The following NEMF variants were observed in gnomAD, a reference collection of about 807,000 sequenced individuals.
NEMF encodes the protein ribosome quality control complex subunit NEMF.
Under a neutral mutation model 162.2 loss-of-function variants are expected in NEMF, and 89 were observed. That is an observed-to-expected ratio of 0.55 (90% CI 0.46 to 0.65). The LOEUF (loss-of-function observed/expected upper bound fraction) is 0.65. NEMF is among the 30% of genes least tolerant of loss of function. NEMF has a pLI of 0.00. For missense variants in NEMF, 1,133 were observed against 1,261.9 expected (o/e 0.90, Z 1.55); for synonymous variants, 421 against 404.5 (o/e 1.04, Z -0.49).
chr14:49,817,794 A>G (rs1003444192), intron 16 of NEMF, among the ~76,000 whole-genome samples: 8 of 152,240 alleles, frequency 5.3e-5, no homozygotes, highest in African/African-American at 1.9e-4. Flanking sequence ...TACATTTACT[A>G]AATAATTTGA....
intron 6 of NEMF, among the ~76,000 whole-genome samples, chr14:49,834,773 A>T (rs1352373290): frequency 6.6e-6 from 1 of 152,240 alleles, no homozygotes; most frequent in Non-Finnish European, 1.5e-5. Context: ...GTGGGCCACC[A>T]TGACCTAGCC....
chr14:49,843,117 A>G (rs888616367), intron 4 of NEMF, among the ~76,000 whole-genome samples: 52 of 152,292 alleles, frequency 3.4e-4, no homozygotes, highest in African/African-American at 1.1e-3. Flanking sequence ...TTAGATAAAG[A>G]GCTCTAAGAG....
Position 49,783,029 on chromosome 14 carries a change from A to ATAAT in NEMF, c.*1603_*1606dup, listed in dbSNP as rs1278905798. 21 of 1,464,302 alleles carry ATAAT rather than the reference A, an allele frequency of 1.4e-5. No individual in the cohort carries two copies. Among genetic ancestry groups the ATAAT allele is most frequent in the Middle Eastern group, 1.8e-4 (1 of 5,664 alleles). The allele number at this position is 1,464,302 out of a possible 1,614,324, so 90.7% of individuals were successfully genotyped here. On this transcript the variant is annotated 3_prime_UTR_variant, in exon 33 of 33. Transcript: ENST00000298310. The stretch of plus-strand genomic sequence containing the variant: ...AACATCACAGAGTGGCATCATTTGT[A>ATAAT]TAATTATATGCATTGTTGTAGTTTG...
intron 16 of NEMF, among the ~76,000 whole-genome samples, chr14:49,822,445 T>C (rs1352724985): frequency 6.7e-6 from 1 of 149,930 alleles, no homozygotes; most frequent in African/African-American, 2.5e-5. Flanking sequence ...CCCTTGAGCC[T>C]GGGAGGTGAA....
At chr14:49,828,404 G>A in intron 14 of NEMF, 50 bp from the exon 15 acceptor site, 1 of 1,233,448 alleles carries the variant, frequency 8.1e-7, no homozygotes, top group Non-Finnish European at 1.2e-6. Flanking sequence ...TTATTCTTCA[G>A]TTTTCTACTT....
intron 6 of NEMF, among the ~76,000 whole-genome samples, chr14:49,837,172 A>G (rs1892946336): frequency 6.6e-6 from 1 of 152,184 alleles, no homozygotes; most frequent in African/African-American, 2.4e-5. Flanking sequence ...GCTACTTGGG[A>G]GGCTGAGGCA....
At chr14:49,785,711 A>C in intron 29 of NEMF, 1 of 185,548 alleles carries the variant, frequency 5.4e-6, no homozygotes, top group Non-Finnish European at 1.1e-5. Context: ...AACATGGAGA[A>C]ACACCATCTC....
At position 49,783,069 on chromosome 14, in the gene NEMF, A is replaced by C; in HGVS notation, c.*1567T>G. On this transcript the variant is annotated 3_prime_UTR_variant, in exon 33 of 33. Transcript: ENST00000298310. The stretch of plus-strand genomic sequence containing the variant: ...GTTGTAGTTTGCACCTGTTGGTTTT[A>C]ATGTGCATGTGAATGGCCTAGAGAA... 1.8e-6 allele frequency: 2 copies of C among 1,088,728 alleles called. No homozygotes were observed. The highest frequency in any genetic ancestry group is 5.1e-5 in the Admixed American group (2 of 39,238). The allele number at this position is 1,088,728 out of a possible 1,614,324, so 67.4% of individuals were successfully genotyped here.
At chr14:49,815,626 G>T (rs533531694) in intron 16 of NEMF, among the ~76,000 whole-genome samples, 2 of 152,148 alleles carry the variant, frequency 1.3e-5, no homozygotes, top group Admixed American at 1.3e-4. Flanking sequence ...CTGATTTTTT[G>T]ATTGGGTAAC....
chr14:49,813,662 G>GGGGGGTGTGT (rs892212697), intron 18 of NEMF, among the ~76,000 whole-genome samples: 1 of 148,570 alleles, frequency 6.7e-6, no homozygotes, highest in African/African-American at 2.5e-5. Context: ...TTTTTTATTA[G>GGGGGGTGTGT]GTGTGTGTGT....
intron 28 of NEMF, among the ~76,000 whole-genome samples, chr14:49,788,019 C>T (rs2139821887): frequency 6.6e-6 from 1 of 152,260 alleles, no homozygotes; most frequent in South Asian, 2.1e-4. Flanking sequence ...TGTCTTACGC[C>T]TGTAATCCCA....
intron 3 of NEMF, chr14:49,849,713 A>G (rs934591268): frequency 6.6e-5 from 10 of 152,174 alleles, no homozygotes; most frequent in Admixed American, 3.3e-4. Flanking sequence ...TAAAACTGAA[A>G]TTGTATTTGT....
intron 18 of NEMF, among the ~76,000 whole-genome samples, chr14:49,810,092 G>T (rs1193122207): frequency 6.6e-6 from 1 of 152,102 alleles, no homozygotes; most frequent in Non-Finnish European, 1.5e-5. Context: ...AAAGAGGCCG[G>T]GTGCGGTGGC....
rs1219546472 is a variant in NEMF at position 49,833,529 on chromosome 14, T to C, written c.662-33A>G. On this transcript the variant is annotated intron_variant, in intron 7 of 32. Transcript: ENST00000298310. Reference sequence around the variant, plus strand: ...TGGGGGAAAAAAAGGAAAAAAGGAGTGCCAATCAAGTGTCAATTAACCGTG... The same window carrying C: ...TGGGGGAAAAAAAGGAAAAAAGGAGCGCCAATCAAGTGTCAATTAACCGTG... 4 of 1,445,718 alleles carry C rather than the reference T, an allele frequency of 2.8e-6. No individual in the cohort carries two copies. The African/African-American group carries it at 4.2e-5, about 15-fold the overall frequency. The allele number at this position is 1,445,718 out of a possible 1,614,324, so 89.6% of individuals were successfully genotyped here.
In NEMF at chr14:49,814,102, T is replaced by C. The variant is rs190660923; in HGVS notation, c.1682-52A>G. ...CACTTTAAGTCCTAATTATTCTTTT[T>C]TCCTTTTTTTTTTTTCAGATGGAGT... On this transcript the variant is annotated intron_variant, in intron 17 of 32. Transcript: ENST00000298310. The C allele has an allele frequency of 1.9e-4, 213 of 1,138,248 alleles. No individual in the cohort carries two copies. The African/African-American group carries it at 3.0e-3, about 16-fold the overall frequency. The allele number at this position is 1,138,248 out of a possible 1,614,324, so 70.5% of individuals were successfully genotyped here.
intron 25 of NEMF, among the ~76,000 whole-genome samples, chr14:49,797,901 T>C (rs1163354301): frequency 2.0e-5 from 3 of 152,228 alleles, no homozygotes. Flanking sequence ...AGAGTTTACA[T>C]GTTCTCCCCA....
intron 28 of NEMF, among the ~76,000 whole-genome samples, chr14:49,787,783 C>T (rs888222262): frequency 6.6e-6 from 1 of 151,992 alleles, no homozygotes; most frequent in Non-Finnish European, 1.5e-5. Flanking sequence ...GGATATTGTA[C>T]AAATTTTAAA....
At chr14:49,788,582 G>A (rs1431376030) in intron 28 of NEMF, among the ~76,000 whole-genome samples, 1 of 138,504 alleles carries the variant, frequency 7.2e-6, no homozygotes, top group Non-Finnish European at 1.5e-5. Context: ...TTTTGAGATG[G>A]AGTCTCGCTC....
rs1892511134 is a variant in NEMF at position 49,829,081 on chromosome 14, T to G, written c.1205A>C (p.Gln402Pro). 1.9e-6 allele frequency: 3 copies of G among 1,614,068 alleles called. No individual in the cohort carries two copies. The part of the protein sequence containing the change: ...VASAIKELKL[Q>P]TNHVTMLLRN... ...TAGCAGCATTGTAACATGGTTTGTTTGTAGTTTTAATTCTTTGATTGCACT... is the reference window on the plus strand; with the variant it reads ...TAGCAGCATTGTAACATGGTTTGTTGGTAGTTTTAATTCTTTGATTGCACT... Residue 402 changes from glutamine (Q) to proline (P), a missense_variant, in exon 13 of 33, where the codon CAA becomes CCA. This residue lies in a region of NEMF where 582 missense variants were observed against 631.5 expected (regional missense o/e 0.92). Transcript: ENST00000298310.
Sources: allele counts gnomAD v4.1 joint callset (sites outside exome capture counted in the v4.1 genomes callset), GRCh38; gene constraint gnomAD v4.1.1; regional missense constraint gnomAD v4.1.1; transcripts MANE v1.5; gene names NCBI Gene and HGNC (gene_info 2026-07-23, HGNC 2026-07-21).